The following SOX5 variants were observed in gnomAD, a reference collection of about 807,000 sequenced individuals.
SOX5 encodes SRY-box transcription factor 5.
Under a neutral mutation model 92.0 loss-of-function variants are expected in SOX5, and 9 were observed. The observed-to-expected ratio is 0.10, with a 90% CI of 0.06 to 0.17. SOX5 has a LOEUF of 0.17. Among genes scored for constraint, SOX5 ranks in the 10% least tolerant of loss-of-function variants. The pLI is 1.00. For missense variants in SOX5, 642 were observed against 944.5 expected (o/e 0.68, Z 4.20); for synonymous variants, 344 against 336.3 (o/e 1.02, Z -0.25).
chr12:23,874,376 T>C (rs187772782), intron 2 of SOX5, among the ~76,000 whole-genome samples: 2 of 152,290 alleles, frequency 1.3e-5, no homozygotes, highest in Admixed American at 6.5e-5. Flanking sequence ...CTTGAGGCAA[T>C]CAAGTTTAGC....
chr12:24,045,104 A>G (rs1048888444), intron 4 of SOX5, among the ~76,000 whole-genome samples: 6 of 152,142 alleles, frequency 3.9e-5, no homozygotes, highest in African/African-American at 1.4e-4. Context: ...GCCTCAAAAT[A>G]TCCAGCAAAA....
chr12:23,600,552 T>TATATATATATATACAC (rs745640453), intron 9 of SOX5, among the ~76,000 whole-genome samples: 12 of 95,270 alleles, frequency 1.3e-4, no homozygotes, highest in African/African-American at 2.4e-4. Context: ...TATATATATA[T>TATATATATATATACAC]ACACATACTT....
chr12:23,939,982 T>C (rs1426338388), intron 1 of SOX5, among the ~76,000 whole-genome samples: 1 of 151,112 alleles, frequency 6.6e-6, no homozygotes, highest in Non-Finnish European at 1.5e-5. Context: ...TAATTATTCA[T>C]ATAAAGACAT....
intron 8 of SOX5, among the ~76,000 whole-genome samples, chr12:23,637,092 G>T (rs370504560): frequency 6.6e-6 from 1 of 152,120 alleles, no homozygotes; most frequent in Non-Finnish European, 1.5e-5. Context: ...CATTATGTTT[G>T]CACCCAAGGA....
At chr12:24,160,938 AAC>A (rs1952692352) in intron 4 of SOX5, among the ~76,000 whole-genome samples, 1 of 152,110 alleles carries the variant, frequency 6.6e-6, no homozygotes, top group Non-Finnish European at 1.5e-5. Flanking sequence ...CTTTAAAATT[AAC>A]AGAGTACTAT....
chr12:23,754,506 A>C (rs1046559555), intron 4 of SOX5, among the ~76,000 whole-genome samples: 5 of 151,798 alleles, frequency 3.3e-5, no homozygotes, highest in African/African-American at 1.2e-4. Flanking sequence ...TGGTTACTGA[A>C]TTTGTTGATT....
chr12:23,728,203 T>C (rs749376568), intron 6 of SOX5, among the ~76,000 whole-genome samples: 1 of 152,298 alleles, frequency 6.6e-6, no homozygotes, highest in Non-Finnish European at 1.5e-5. Flanking sequence ...TATCTCCATA[T>C]TTCCTCCTCT....
chr12:23,553,598 A>C (rs1431922879), intron 11 of SOX5, among the ~76,000 whole-genome samples: 1 of 152,098 alleles, frequency 6.6e-6, no homozygotes, highest in Non-Finnish European at 1.5e-5. Context: ...GTCAGGCTTC[A>C]GCCAATATCT....
chr12:24,231,014 C>G (rs1004791478), intron 3 of SOX5, among the ~76,000 whole-genome samples: 2 of 152,108 alleles, frequency 1.3e-5, no homozygotes, highest in African/African-American at 4.8e-5. Context: ...TTGAAGAATT[C>G]AAATCAGGAA....
chr12:24,504,991 G>C (rs1597386354), intron 1 of SOX5, among the ~76,000 whole-genome samples: 1 of 152,192 alleles, frequency 6.6e-6, no homozygotes, highest in South Asian at 2.1e-4. Context: ...TGCATGAAGA[G>C]GAAGCAACAA....
intron 4 of SOX5, among the ~76,000 whole-genome samples, chr12:24,101,356 G>A (rs992763806): frequency 6.6e-5 from 10 of 152,042 alleles, no homozygotes; most frequent in African/African-American, 2.4e-4. Context: ...CAATTCCTGT[G>A]AATGCCCCAT....
intron 6 of SOX5, among the ~76,000 whole-genome samples, chr12:23,722,017 T>A (rs1315137826): frequency 6.6e-6 from 1 of 152,212 alleles, no homozygotes; most frequent in Non-Finnish European, 1.5e-5. Flanking sequence ...GCATCTACCT[T>A]GTTAGGGGTC....
At chr12:24,509,176 G>A (rs1010112114) in intron 1 of SOX5, among the ~76,000 whole-genome samples, 1 of 152,182 alleles carries the variant, frequency 6.6e-6, no homozygotes, top group Non-Finnish European at 1.5e-5. Flanking sequence ...TTTTTAAAAT[G>A]AAGCCTATGA....
At chr12:24,442,122 T>TA (rs1277818487) in intron 1 of SOX5, among the ~76,000 whole-genome samples, 3 of 152,192 alleles carry the variant, frequency 2.0e-5, no homozygotes, top group Admixed American at 2.0e-4. Context: ...GACACTTTCT[T>TA]AAAAAAGGTA....
intron 9 of SOX5, among the ~76,000 whole-genome samples, chr12:23,589,426 T>C (rs1160729140): frequency 3.3e-5 from 5 of 151,948 alleles, no homozygotes; most frequent in African/African-American, 1.2e-4. Context: ...AGGTAATGCA[T>C]AAAACAGACT....
intron 3 of SOX5, among the ~76,000 whole-genome samples, chr12:23,771,274 A>G (rs921857871): frequency 6.6e-6 from 1 of 151,744 alleles, no homozygotes; most frequent in African/African-American, 2.4e-5. Context: ...CCCTTTTCCT[A>G]TTTTCTTATA....
At chr12:23,667,720 A>C (rs150097305) in intron 6 of SOX5, among the ~76,000 whole-genome samples, 1 of 152,332 alleles carries the variant, frequency 6.6e-6, no homozygotes, top group East Asian at 1.9e-4. Flanking sequence ...AAGGTGGAAA[A>C]AAGGGAGCTA....
At position 23,734,136 on chromosome 12, in the gene SOX5, C is replaced by T. The variant is rs145062806; in HGVS notation, c.810+548G>A. Among the ~76,000 whole-genome samples the T allele has an allele frequency of 4.0e-4, 61 of 152,310 alleles. No individual in the cohort carries two copies. The East Asian group carries it at 6.4e-3, about 16-fold the overall frequency. ...ACAGCTGCTTCCTCCTGTATTGATG[C>T]TCCTTATTATTGCAAATTTCCAAAT... On this transcript the variant is annotated intron_variant, in intron 6 of 14. Coordinates refer to ENST00000451604, the MANE Select transcript of SOX5 (RefSeq NM_006940.6).
chr12:23,889,341 T>C (rs10505912), intron 2 of SOX5, among the ~76,000 whole-genome samples: 14,229 of 152,224 alleles, frequency 0.093, 1,470 homozygotes, highest in East Asian at 0.51. Context: ...CCCTATTCTG[T>C]GACTTATTTT....
Sources: allele counts gnomAD v4.1 joint callset (sites outside exome capture counted in the v4.1 genomes callset), GRCh38; gene constraint gnomAD v4.1.1; transcripts MANE v1.5; gene names NCBI Gene and HGNC (gene_info 2026-07-23, HGNC 2026-07-21).